The following LIAS variants were observed in gnomAD, a reference collection of about 807,000 sequenced individuals.
The protein encoded by LIAS is lipoyl synthase, mitochondrial.
LIAS carries 36 observed loss-of-function variants against 49.4 expected under a neutral mutation model. The ratio of observed to expected loss-of-function variants is 0.73; its 90% CI spans 0.56 to 0.96. LIAS has a LOEUF of 0.96. Among genes scored for constraint, LIAS ranks in the 40% least tolerant of loss-of-function variants. LIAS has a pLI of 0.00. For missense variants in LIAS, 399 were observed against 456.3 expected, an observed-to-expected ratio of 0.87 and a Z score of 1.14; for synonymous variants, 145 against 155.8, an observed-to-expected ratio of 0.93 and a Z score of 0.52.
rs143321910 is a variant in LIAS at position 39,465,323 on chromosome 4, G to A, written c.589G>A (p.Val197Ile). ...GGGAGCTGAACACATTGCAAAGACC[G>A]TATCATATTTAAAGGAAAGGTACTT... is the stretch of plus-strand genomic sequence containing the variant. ...DGGAEHIAKT[V>I]SYLKERNPKI... The change falls in exon 6 of 11, where the codon GTA (valine) becomes ATA (isoleucine). Residue 197 changes from valine (V) to isoleucine (I), a missense_variant. Transcript: ENST00000640888. 32 of 1,610,392 alleles carry A rather than the reference G, an allele frequency of 2.0e-5. No individual in the cohort carries two copies. The highest frequency in any genetic ancestry group is 8.9e-5 in the East Asian group (4 of 44,848).
chr4:39,472,988 G>A (rs1038874593), intron 9 of LIAS, 112 bp from the exon 10 acceptor site: 2 of 633,972 alleles, frequency 3.2e-6, no homozygotes, highest in African/African-American at 1.9e-5. Context: ...GCCTGGGGGT[G>A]GGGGCAAGAT....
In LIAS at chr4:39,465,014, A is replaced by G. The variant is rs369338719; in HGVS notation, c.394-32A>G. The G allele has an allele frequency of 1.0e-5, 16 of 1,568,318 alleles. No individual in the cohort carries two copies. The Admixed American group carries it at 1.0e-4, about 10-fold the overall frequency. ...TTATGTCCTTAAGGGTCATCTGTCTATTTCATTTAAATTGTAACATTTCTA... is the reference window on the plus strand; with the variant it reads ...TTATGTCCTTAAGGGTCATCTGTCTGTTTCATTTAAATTGTAACATTTCTA... On this transcript the variant is annotated intron_variant, in intron 4 of 10. Transcript: ENST00000640888.
chr4:39,463,152 G>A (rs1744605945), intron 3 of LIAS, among the ~76,000 whole-genome samples: 1 of 149,216 alleles, frequency 6.7e-6, no homozygotes, highest in East Asian at 2.0e-4. Context: ...ATGCTGGAGT[G>A]CTGTGGTACA....
chr4:39,473,854 A>G (rs1281215865), intron 10 of LIAS: 1 of 152,248 alleles, frequency 6.6e-6, no homozygotes, highest in Non-Finnish European at 1.5e-5. Flanking sequence ...AAGGGATAAA[A>G]AGTCATGTGA....
chr4:39,471,287 C>T lies in LIAS; in HGVS notation c.935C>T (p.Pro312Leu), dbSNP rs1314594250. 6.2e-7 allele frequency: 1 copy of T among 1,608,124 alleles called. No individual in the cohort carries two copies. Among genetic ancestry groups the T allele is most frequent in the Non-Finnish European group, 8.5e-7 (1 of 1,176,566 alleles). Reference sequence around the variant, plus strand: ...TTGACTTTAGGACAATATATGCAGCCAACAAGGCGTCACCTTAAGGTACAT... The same window carrying T: ...TTGACTTTAGGACAATATATGCAGCTAACAAGGCGTCACCTTAAGGTACAT... ...DCLTLGQYMQ[P>L]TRRHLKVEEY... The change falls in exon 9 of 11, where the codon CCA (proline) becomes CTA (leucine). Residue 312 changes from proline (P) to leucine (L), a missense_variant. Pro to Leu is a moderately conservative substitution (Grantham distance 98, BLOSUM62 -3). Around this residue, in one of 3 missense-constraint regions of LIAS, gnomAD observed 234 missense variants for 292.2 expected, o/e 0.80. Coordinates refer to ENST00000640888, the MANE Select transcript of LIAS (RefSeq NM_006859.4).
intron 6 of LIAS, 47 bp downstream of exon 6, chr4:39,465,389 T>G: frequency 1.3e-6 from 2 of 1,529,740 alleles, no homozygotes; most frequent in Non-Finnish European, 1.8e-6. Flanking sequence ...TTTGGACCCA[T>G]ATGAGTTAAG....
At chr4:39,474,759 C>CT (rs1745131234) in intron 10 of LIAS, 1 of 151,878 alleles carries the variant, frequency 6.6e-6, no homozygotes, top group Non-Finnish European at 1.5e-5. Flanking sequence ...CCACGCCTGG[C>CT]TAATTTTTTG....
chr4:39,459,203 G>C (rs763067097), intron 1 of LIAS, 41 bp downstream of exon 1: 1 of 1,587,282 alleles, frequency 6.3e-7, no homozygotes, highest in Non-Finnish European at 8.6e-7. Flanking sequence ...GGGGTGGGGG[G>C]ATCCTATCCC....
rs755923949 is a variant in LIAS at position 39,478,585 on chromosome 4, C to T, written c.*1470C>T. The T allele has an allele frequency of 3.7e-4, 56 of 152,180 alleles. No individual in the cohort carries two copies. Among genetic ancestry groups the T allele is most frequent in the Admixed American group, 1.8e-3 (27 of 15,272 alleles). 9.4% of individuals were successfully genotyped at this position (152,180 alleles called of 1,614,324 possible). A position where few individuals can be genotyped will look rare whatever the true frequency, so the allele number is the denominator to read the frequency against. ...TAGTTTTATGCTGATTACATTTAGT[C>T]CCTCTGAAAACACCAAGGCCATAAT... is the stretch of plus-strand genomic sequence containing the variant. On this transcript the variant is annotated 3_prime_UTR_variant, in exon 11 of 11. Transcript: ENST00000640888.
In LIAS at chr4:39,479,506, T is replaced by G. The variant is rs1412962554; in HGVS notation, c.*2391T>G. The G allele has an allele frequency of 1.8e-5, 1 of 56,862 alleles. No homozygotes were observed. Among genetic ancestry groups the G allele is most frequent in the South Asian group, 7.7e-4 (1 of 1,298 alleles). 3.5% of individuals were successfully genotyped at this position (56,862 alleles called of 1,614,324 possible). A position where few individuals can be genotyped will look rare whatever the true frequency, so the allele number is the denominator to read the frequency against. ...CTCCAGCCTGGACAACGAGTGAAACTCCTCAAAAAAAAAAAAAAAAAAAAG... is the reference window on the plus strand; with the variant it reads ...CTCCAGCCTGGACAACGAGTGAAACGCCTCAAAAAAAAAAAAAAAAAAAAG... On this transcript the variant is annotated 3_prime_UTR_variant, in exon 11 of 11. Coordinates refer to ENST00000640888, the MANE Select transcript of LIAS (RefSeq NM_006859.4).
Position 39,460,942 on chromosome 4 carries a change from A to T in LIAS, c.198A>T (p.Leu66=). 6.3e-7 allele frequency: 1 copy of T among 1,594,438 alleles called. No homozygotes were observed. Among genetic ancestry groups the T allele is most frequent in the East Asian group, 2.2e-5 (1 of 44,760 alleles). ...CCTGGGATGAATATAAAGGAAACCT[A>T]AAACGCCAGAAAGGAGAAAGGTAAT... is the stretch of plus-strand genomic sequence containing the variant. ...RSTWDEYKGN[L]KRQKGERLRL... The change falls in exon 2 of 11, where the codon CTA becomes CTT. Residue 66 remains leucine, a synonymous_variant. Coordinates refer to ENST00000640888, the MANE Select transcript of LIAS (RefSeq NM_006859.4).
intron 7 of LIAS, 143 bp from the exon 8 acceptor site, chr4:39,469,876 A>G (rs1187250256): frequency 6.7e-6 from 4 of 597,520 alleles, no homozygotes; most frequent in Admixed American, 7.3e-5. Flanking sequence ...ATTAACAGGC[A>G]TCTGTGCATA....
chr4:39,460,546 A>AC (rs1167637158), intron 1 of LIAS, among the ~76,000 whole-genome samples: 7 of 151,774 alleles, frequency 4.6e-5, no homozygotes, highest in African/African-American at 1.5e-4. Flanking sequence ...AAAAAAAAAA[A>AC]AAAAAACAGA....
chr4:39,479,449 A>AG lies in LIAS; in HGVS notation c.*2336dup, dbSNP rs1374672448. Reference sequence around the variant, plus strand: ...GAGAATCCTTGAACCTGGGAGGCAGAGGTTGCAGTGAGCTGAGATCACACC... The same window carrying AG: ...GAGAATCCTTGAACCTGGGAGGCAGAGGGTTGCAGTGAGCTGAGATCACACC... On this transcript the variant is annotated 3_prime_UTR_variant, in exon 11 of 11. Coordinates refer to ENST00000640888, the MANE Select transcript of LIAS (RefSeq NM_006859.4). 5.2e-5 allele frequency: 7 copies of AG among 134,636 alleles called. No homozygotes were observed. Among genetic ancestry groups the AG allele is most frequent in the African/African-American group, 1.7e-4 (6 of 35,900 alleles). 8.3% of individuals were successfully genotyped at this position (134,636 alleles called of 1,614,324 possible). A position where few individuals can be genotyped will look rare whatever the true frequency, so the allele number is the denominator to read the frequency against.
intron 10 of LIAS, chr4:39,473,837 A>G (rs1745079771): frequency 6.6e-6 from 1 of 152,236 alleles, no homozygotes; most frequent in Non-Finnish European, 1.5e-5. Context: ...AAAGAAAATC[A>G]TTTTCCAAGG....
chr4:39,470,223 C>T, intron 8 of LIAS, 59 bp downstream of exon 8: 1 of 1,467,358 alleles, frequency 6.8e-7, no homozygotes, highest in Non-Finnish European at 9.3e-7. Context: ...AGCAGGAACC[C>T]ACTCACTTTG....
Position 39,459,369 on chromosome 4 carries a change from C to T in LIAS, c.45+207C>T, listed in dbSNP as rs548272307. On this transcript the variant is annotated intron_variant, in intron 1 of 10. Transcript: ENST00000640888. ...CTGGCATCAGTTTGTTTGCAAGTCT[C>T]TCTGGGCCAGCACCGAGGACTTATT... The T allele has an allele frequency of 4.6e-5, 28 of 608,216 alleles. No individual in the cohort carries two copies. The East Asian group carries it at 7.4e-4, about 16-fold the overall frequency. The allele number at this position is 608,216 out of a possible 1,614,324, so 37.7% of individuals were successfully genotyped here. A position where few individuals can be genotyped will look rare whatever the true frequency, so the allele number is the denominator to read the frequency against.
rs1299848289 is a variant in LIAS at position 39,473,229 on chromosome 4, G to T, written c.1066+18G>T. 1.4e-6 allele frequency: 2 copies of T among 1,478,990 alleles called. No homozygotes were observed. Among genetic ancestry groups the T allele is most frequent in the Admixed American group, 3.4e-5 (2 of 59,592 alleles). 91.6% of individuals were successfully genotyped at this position (1,478,990 alleles called of 1,614,324 possible). ...TAAAGCAGGTAAGTTAGATTGTGGG[G>T]CATGGTTTCATTTAGGCCGTTAACT... On this transcript the variant is annotated intron_variant, in intron 10 of 10. Transcript: ENST00000640888.
rs767906624 is a variant in LIAS, at chr4:39,470,197, A to G, written c.883+33A>G. ...AATTGAAAAATGAAAAATCTTTCCC[A>G]TGTAATTTGAGTAATAGCAGGAACC... On this transcript the variant is annotated intron_variant, in intron 8 of 10. Coordinates refer to ENST00000640888, the MANE Select transcript of LIAS (RefSeq NM_006859.4). The G allele has an allele frequency of 1.1e-5, 17 of 1,582,942 alleles. No homozygotes were observed. The South Asian group carries it at 1.7e-4, about 16-fold the overall frequency.
Sources: gnomAD v4.1 joint callset for allele counts (sites outside exome capture counted in the v4.1 genomes callset) on GRCh38, gnomAD v4.1.1 for gene constraint, gnomAD v4.1.1 regional missense constraint, MANE v1.5 for transcripts, NCBI Gene and HGNC (gene_info 2026-07-23, HGNC 2026-07-21) for gene names.